Variants in ZNF407 observed in about 807,000 individuals in gnomAD.
The protein encoded by ZNF407 is zinc finger protein 407.
ZNF407 carries 17 observed loss-of-function variants against 131.2 expected under a neutral mutation model. The ratio of observed to expected loss-of-function variants is 0.13; its 90% confidence interval spans 0.09 to 0.19. The LOEUF (loss-of-function observed/expected upper bound fraction) is 0.19, where lower values mean the gene tolerates loss of function less well. Ranked by LOEUF, ZNF407 falls within the 10% of genes least tolerant of loss-of-function variation. ZNF407 has a pLI of 1.00. For synonymous variants in ZNF407, 1,156 were observed against 1,062.0 expected (o/e 1.09, Z -1.72); for missense variants, 2,681 against 2,830.6 (o/e 0.95, Z 1.20).
intron 8 of ZNF407, among the ~76,000 whole-genome samples, chr18:74,943,794 A>G (rs1267531323): frequency 6.6e-6 from 1 of 152,168 alleles, no homozygotes; most frequent in Non-Finnish European, 1.5e-5. Flanking sequence ...CCGCGAGCCC[A>G]ATAATTGGGA....
rs1599034783 is a variant in ZNF407, at chr18:74,641,180, A to G, written c.4802+58A>G. ...ACCAGGAAGCATGTGCAGGATAGCC[A>G]TTGTTTCGGAATTCAAAACCGATAG... On this transcript the variant is annotated intron_variant, in intron 3 of 8. Coordinates refer to ENST00000299687, the MANE Select transcript of ZNF407 (RefSeq NM_017757.3). The G allele has an allele frequency of 3.6e-6, 5 of 1,399,664 alleles. No individual in the cohort carries two copies. In the East Asian group the frequency reaches 6.9e-5, roughly 19 times the overall value. 86.7% of individuals were successfully genotyped at this position (1,399,664 alleles called of 1,614,324 possible).
chr18:74,755,582 G>GTTTT (rs541126314), intron 3 of ZNF407, among the ~76,000 whole-genome samples: 2 of 87,338 alleles, frequency 2.3e-5, no homozygotes, highest in African/African-American at 1.1e-4. Context: ...CTCCTTTCTG[G>GTTTT]TTTTTTTTTT....
At chr18:74,929,342 C>G (rs1971954719) in intron 8 of ZNF407, among the ~76,000 whole-genome samples, 1 of 151,916 alleles carries the variant, frequency 6.6e-6, no homozygotes, top group Non-Finnish European at 1.5e-5. Context: ...CTTATCAGAG[C>G]TCACATTTGC....
At chr18:74,939,403 A>G (rs922527950) in intron 8 of ZNF407, among the ~76,000 whole-genome samples, 1 of 152,218 alleles carries the variant, frequency 6.6e-6, no homozygotes, top group East Asian at 1.9e-4. Context: ...CAGCAATGCA[A>G]TAATTTGAGA....
chr18:74,665,198 G>A (rs933660704), intron 3 of ZNF407, among the ~76,000 whole-genome samples: 3 of 152,226 alleles, frequency 2.0e-5, no homozygotes, highest in African/African-American at 7.2e-5. Flanking sequence ...CTGATGTAAA[G>A]TGGCTTTAGT....
chr18:75,065,023 A>T lies in ZNF407; in HGVS notation c.*555A>T, dbSNP rs909023239. 6.6e-6 allele frequency: 1 copy of T among 152,444 alleles called. No individual in the cohort carries two copies. The highest frequency in any genetic ancestry group is 1.5e-5 in the Non-Finnish European group (1 of 68,064). 9.4% of individuals were successfully genotyped at this position (152,444 alleles called of 1,614,324 possible). ...TTCAATTTTTTTTTTTTAATTTTAG[A>T]ATAACAGTGTCCCCATACCAAAGGA... is the stretch of plus-strand genomic sequence containing the variant. On this transcript the variant is annotated 3_prime_UTR_variant, in exon 9 of 9. Transcript: ENST00000299687.
At chr18:74,836,326 A>G (rs1970559321) in intron 4 of ZNF407, among the ~76,000 whole-genome samples, 1 of 151,978 alleles carries the variant, frequency 6.6e-6, no homozygotes, top group Non-Finnish European at 1.5e-5. Flanking sequence ...CTTTATTTAC[A>G]TGTTTAAAAT....
chr18:74,723,335 C>T (rs747309084), intron 3 of ZNF407, among the ~76,000 whole-genome samples: 2 of 152,056 alleles, frequency 1.3e-5, no homozygotes, highest in African/African-American at 2.4e-5. Flanking sequence ...TTTTCTGGCT[C>T]TTGCTATGTA....
chr18:74,620,274 T>C (rs954024292), intron 1 of ZNF407, among the ~76,000 whole-genome samples: 1,731 of 152,214 alleles, frequency 0.011, 29 homozygotes, highest in African/African-American at 0.037. Context: ...AATTGCCAGG[T>C]GAGATGGCTG....
At chr18:74,720,125 C>T (rs1361692856) in intron 3 of ZNF407, among the ~76,000 whole-genome samples, 10 of 151,916 alleles carry the variant, frequency 6.6e-5, no homozygotes, top group East Asian at 3.9e-4. Flanking sequence ...TTTCCACCAA[C>T]GGTGTATAAG....
At chr18:74,741,357 T>TATATAC (rs560139333) in intron 3 of ZNF407, among the ~76,000 whole-genome samples, 41 of 152,132 alleles carry the variant, frequency 2.7e-4, no homozygotes, top group Non-Finnish European at 4.9e-4. Context: ...TATATGGAAA[T>TATATAC]ATATACATAT....
chr18:74,866,247 T>C (rs1353683472), intron 4 of ZNF407, among the ~76,000 whole-genome samples: 1 of 152,188 alleles, frequency 6.6e-6, no homozygotes, highest in African/African-American at 2.4e-5. Flanking sequence ...CCCAAGATAT[T>C]TACTCTAGAA....
In ZNF407 at chr18:74,786,996, G is replaced by A. The variant is rs371207873; in HGVS notation, c.4877+5494G>A. On this transcript the variant is annotated intron_variant, in intron 4 of 8. Transcript: ENST00000299687. ...CACTTTTTTTGTTTTTAGTAGAGAC[G>A]GGGTTTCATCATGTTGGCCAGGCTG... 1.3e-4 allele frequency among the ~76,000 whole-genome samples: 19 copies of A among 151,520 alleles called. No individual in the cohort carries two copies. The East Asian group carries it at 2.5e-3, about 20-fold the overall frequency.
chr18:74,615,429 C>T (rs771707422), intron 1 of ZNF407, among the ~76,000 whole-genome samples: 20 of 152,134 alleles, frequency 1.3e-4, no homozygotes, highest in South Asian at 2.1e-4. Flanking sequence ...TGCTTGAACC[C>T]GGGGGGCAGA....
At chr18:74,691,422 C>T (rs1967220139) in intron 3 of ZNF407, among the ~76,000 whole-genome samples, 1 of 151,714 alleles carries the variant, frequency 6.6e-6, no homozygotes, top group African/African-American at 2.4e-5. Context: ...TTTATTTCAG[C>T]ACTTCATAGT....
At chr18:74,987,875 C>T (rs1291518237) in intron 8 of ZNF407, among the ~76,000 whole-genome samples, 1 of 152,034 alleles carries the variant, frequency 6.6e-6, no homozygotes. Flanking sequence ...GTCAGGTATC[C>T]CCACATTGAT....
intron 4 of ZNF407, among the ~76,000 whole-genome samples, chr18:74,824,403 A>G (rs1970381314): frequency 6.6e-6 from 1 of 152,224 alleles, no homozygotes; most frequent in South Asian, 2.1e-4. Context: ...AAATCCCTTC[A>G]AAACAATCAA....
chr18:74,715,028 C>T (rs567146173), intron 3 of ZNF407, among the ~76,000 whole-genome samples: 1 of 152,294 alleles, frequency 6.6e-6, no homozygotes, highest in Admixed American at 6.5e-5. Context: ...TGCCTGTCTG[C>T]CTGGACTGTC....
intron 8 of ZNF407, among the ~76,000 whole-genome samples, chr18:74,979,581 C>T (rs1035141835): frequency 1.5e-4 from 23 of 152,154 alleles, no homozygotes; most frequent in Admixed American, 8.5e-4. Flanking sequence ...CGTGAGCCAC[C>T]GCACCTGGCT....
Sources: allele counts gnomAD v4.1 joint callset (sites outside exome capture counted in the v4.1 genomes callset), GRCh38; gene constraint gnomAD v4.1.1; transcripts MANE v1.5; gene names NCBI Gene and HGNC (gene_info 2026-07-23, HGNC 2026-07-21).